PPM1L: variants seen among roughly 807,000 people sequenced by gnomAD.
The protein encoded by PPM1L is protein phosphatase 1L.
Under a neutral mutation model 31.4 loss-of-function variants are expected in PPM1L, and 13 were observed. The ratio of observed to expected loss-of-function variants is 0.41; its 90% CI spans 0.27 to 0.66. The LOEUF is 0.66. Among genes scored for constraint, PPM1L ranks in the 30% least tolerant of loss-of-function variants. PPM1L has a pLI of 0.29. For synonymous variants in PPM1L, 184 were observed against 175.4 expected, an observed-to-expected ratio of 1.05 and a Z score of -0.39; for missense variants, 326 against 453.7, an observed-to-expected ratio of 0.72 and a Z score of 2.56.
At position 161,076,640 on chromosome 3, in the gene PPM1L, T is replaced by C. The variant is rs957599481; in HGVS notation, c.*7483T>C. ...AGCACTTACACAACTGCAGTTCAGG[T>C]CACAGAATTGAAATCTATTTGATAA... is the stretch of plus-strand genomic sequence containing the variant. On this transcript the variant is annotated 3_prime_UTR_variant, in exon 4 of 4. Coordinates refer to ENST00000498165, the MANE Select transcript of PPM1L (RefSeq NM_139245.4). The C allele has an allele frequency of 7.9e-5, 12 of 151,914 alleles. No homozygotes were observed. Among genetic ancestry groups the C allele is most frequent in the African/African-American group, 2.7e-4 (11 of 41,358 alleles). 9.4% of individuals were successfully genotyped at this position (151,914 alleles called of 1,614,324 possible). A position where few individuals can be genotyped will look rare whatever the true frequency, so the allele number is the denominator to read the frequency against.
intron 1 of PPM1L, among the ~76,000 whole-genome samples, chr3:160,915,163 C>G (rs373447434): frequency 2.0e-5 from 3 of 152,098 alleles, no homozygotes; most frequent in Non-Finnish European, 4.4e-5. Context: ...AAAACCCCAT[C>G]GTCTCAGCCC....
rs1206546544 is a variant in PPM1L, at chr3:160,767,576, C to T, written c.399+10869C>T. ...TAAATCAAAGACCAGTTGTCTATTG[C>T]ATGTCAATAAACCTTGTGACTTCTC... is the stretch of plus-strand genomic sequence containing the variant. On this transcript the variant is annotated intron_variant, in intron 1 of 3. Coordinates refer to ENST00000498165, the MANE Select transcript of PPM1L (RefSeq NM_139245.4). 2.0e-5 allele frequency among the ~76,000 whole-genome samples: 3 copies of T among 152,166 alleles called. No individual in the cohort carries two copies. The East Asian group carries it at 5.8e-4, about 29-fold the overall frequency.
intron 2 of PPM1L, among the ~76,000 whole-genome samples, chr3:161,044,472 G>C (rs1181656319): frequency 1.3e-5 from 2 of 151,624 alleles, no homozygotes; most frequent in East Asian, 1.9e-4. Flanking sequence ...GGACCAGCTG[G>C]GTGCAACTCT....
intron 1 of PPM1L, among the ~76,000 whole-genome samples, chr3:160,757,285 G>A (rs2108052396): frequency 6.6e-6 from 1 of 152,330 alleles, no homozygotes; most frequent in Middle Eastern, 3.4e-3. Flanking sequence ...AAGTGCAATC[G>A]GGCCAATTGA....
In PPM1L at chr3:160,933,506, C is replaced by T. The variant is rs182737102; in HGVS notation, c.400-28230C>T. ...TGTTGCATTTCTTGTTGTTCATTAT[C>T]ATTTTTCATTATCCCTGTTTGAGCA... On this transcript the variant is annotated intron_variant, in intron 1 of 3. Coordinates refer to ENST00000498165, the MANE Select transcript of PPM1L (RefSeq NM_139245.4). Among the ~76,000 whole-genome samples the T allele has an allele frequency of 1.9e-3, 286 of 152,262 alleles. 2 individuals carry two copies. Among genetic ancestry groups the T allele is most frequent in the Non-Finnish European group, 7.2e-4 (49 of 68,016 alleles).
At chr3:160,758,934 C>T (rs905095319) in intron 1 of PPM1L, among the ~76,000 whole-genome samples, 4 of 152,236 alleles carry the variant, frequency 2.6e-5, no homozygotes, top group Non-Finnish European at 2.9e-5. Context: ...AATCCCTTAT[C>T]GTATGTAGCC....
intron 1 of PPM1L, among the ~76,000 whole-genome samples, chr3:160,794,865 G>A (rs905104952): frequency 6.6e-6 from 1 of 152,192 alleles, no homozygotes; most frequent in Non-Finnish European, 1.5e-5. Flanking sequence ...GTCCTGGGCT[G>A]CATGTGGCCC....
rs1719838770 is a variant in PPM1L at position 161,069,258 on chromosome 3, C to T, written c.*101C>T. ...TGGGAGTTGTAATTAGGATCATCCA[C>T]CCCAGACATGGAATCCCCCCTCCCT... is the stretch of plus-strand genomic sequence containing the variant. On this transcript the variant is annotated 3_prime_UTR_variant, in exon 4 of 4. Transcript: ENST00000498165. 1 of 898,674 alleles carries T rather than the reference C, an allele frequency of 1.1e-6. No homozygotes were observed. The allele number at this position is 898,674 out of a possible 1,614,324, so 55.7% of individuals were successfully genotyped here.
chr3:160,840,728 G>A (rs1281280097), intron 1 of PPM1L, among the ~76,000 whole-genome samples: 1 of 148,154 alleles, frequency 6.7e-6, no homozygotes, highest in Non-Finnish European at 1.5e-5. Context: ...GGGAGAGAGA[G>A]AGAGAGAGAG....
At chr3:160,963,927 A>T (rs1314187687) in intron 2 of PPM1L, among the ~76,000 whole-genome samples, 1 of 152,098 alleles carries the variant, frequency 6.6e-6, no homozygotes, top group Non-Finnish European at 1.5e-5. Context: ...AGAGGATCTA[A>T]GGTCTAGGCC....
chr3:161,055,702 A>C (rs568022622), intron 2 of PPM1L, among the ~76,000 whole-genome samples: 1 of 151,848 alleles, frequency 6.6e-6, no homozygotes. Flanking sequence ...GTGTGTGCCT[A>C]TCTCTCTATG....
At chr3:160,846,180 A>G (rs1182696018) in intron 1 of PPM1L, among the ~76,000 whole-genome samples, 2 of 152,136 alleles carry the variant, frequency 1.3e-5, no homozygotes, top group Non-Finnish European at 2.9e-5. Flanking sequence ...ATAATGTACT[A>G]TAACAAAAAA....
At chr3:160,826,170 TAG>T (rs1437776659) in intron 1 of PPM1L, among the ~76,000 whole-genome samples, 1 of 152,140 alleles carries the variant, frequency 6.6e-6, no homozygotes, top group African/African-American at 2.4e-5. Context: ...GACTTCTCTG[TAG>T]GTAAAAGTAA....
At chr3:160,944,754 ATG>A (rs1440647503) in intron 1 of PPM1L, among the ~76,000 whole-genome samples, 2 of 94,102 alleles carry the variant, frequency 2.1e-5, no homozygotes, top group African/African-American at 6.3e-5. Context: ...TATAATATAT[ATG>A]TTATATATAA....
intron 1 of PPM1L, among the ~76,000 whole-genome samples, chr3:160,864,079 TC>T (rs1250279577): frequency 2.6e-5 from 4 of 152,186 alleles, no homozygotes; most frequent in Non-Finnish European, 4.4e-5. Context: ...TTGTTACCAC[TC>T]CGTATTGAAT....
intron 2 of PPM1L, among the ~76,000 whole-genome samples, chr3:161,040,746 C>A (rs972948745): frequency 2.0e-5 from 3 of 152,050 alleles, no homozygotes; most frequent in Admixed American, 2.0e-4. Flanking sequence ...GGGAATCATA[C>A]CCTACAAACC....
intron 1 of PPM1L, among the ~76,000 whole-genome samples, chr3:160,768,847 A>G (rs781177675): frequency 2.6e-5 from 4 of 152,196 alleles, no homozygotes; most frequent in Non-Finnish European, 5.9e-5. Flanking sequence ...CTTTTGATCT[A>G]ACAGCTCAAT....
intron 1 of PPM1L, among the ~76,000 whole-genome samples, chr3:160,945,031 A>ATC: frequency 3.5e-5 from 1 of 28,482 alleles, no homozygotes; most frequent in African/African-American, 7.4e-5. Context: ...ATATATAACT[A>ATC]TATATAACAT....
intron 1 of PPM1L, among the ~76,000 whole-genome samples, chr3:160,829,697 G>A (rs1713463007): frequency 6.6e-6 from 1 of 152,132 alleles, no homozygotes; most frequent in Non-Finnish European, 1.5e-5. Context: ...TTCATTTGTA[G>A]CCTGTCAGCT....
Sources: gnomAD v4.1 joint callset for allele counts (sites outside exome capture counted in the v4.1 genomes callset) on GRCh38, gnomAD v4.1.1 for gene constraint, MANE v1.5 for transcripts, NCBI Gene and HGNC (gene_info 2026-07-23, HGNC 2026-07-21) for gene names.